Variants in NCKAP5 observed in about 807,000 individuals in gnomAD.
NCKAP5 encodes NCK associated protein 5.
NCKAP5 carries 92 observed loss-of-function variants against 167.0 expected under a neutral mutation model. The observed-to-expected ratio is 0.55, with a 90% CI of 0.47 to 0.66. The LOEUF (loss-of-function observed/expected upper bound fraction) is 0.66. Ranked by LOEUF, NCKAP5 falls within the 30% of genes least tolerant of loss-of-function variation. The pLI, the probability that NCKAP5 is intolerant of heterozygous loss-of-function variation, is 0.00. For missense variants in NCKAP5, 2,378 were observed against 2,315.0 expected (o/e 1.03, Z -0.56); for synonymous variants, 891 against 877.4 (o/e 1.02, Z -0.27).
chr2:133,616,987 T>G, the NCKAP5 span, among the ~76,000 whole-genome samples: 25 of 152,234 alleles, frequency 1.6e-4, no homozygotes, highest in Admixed American at 3.9e-4. Context: ...GGGATGCAAG[T>G]CTGGTTCAAT....
intron 5 of NCKAP5, among the ~76,000 whole-genome samples, chr2:133,170,543 C>G (rs1056078336): frequency 6.6e-6 from 1 of 152,194 alleles, no homozygotes; most frequent in African/African-American, 2.4e-5. Context: ...AGAATCATCT[C>G]TACCTCTGTG....
chr2:132,690,780 G>T (rs1020836102), intron 19 of NCKAP5, among the ~76,000 whole-genome samples: 3 of 152,122 alleles, frequency 2.0e-5, no homozygotes, highest in Non-Finnish European at 2.9e-5. Context: ...TAAGAGGAGG[G>T]GGGGAAACAA....
At chr2:133,160,916 T>C (rs934888256) in intron 5 of NCKAP5, among the ~76,000 whole-genome samples, 2 of 152,178 alleles carry the variant, frequency 1.3e-5, no homozygotes, top group African/African-American at 4.8e-5. Flanking sequence ...ACTGAACTGA[T>C]ATCCTCTGTG....
chr2:132,727,492 C>G (rs1288667763), intron 18 of NCKAP5, among the ~76,000 whole-genome samples: 2 of 152,336 alleles, frequency 1.3e-5, no homozygotes, highest in Admixed American at 1.3e-4. Flanking sequence ...ATGTGTACAC[C>G]TTACTCCGTA....
intron 11 of NCKAP5, among the ~76,000 whole-genome samples, chr2:132,834,635 G>T (rs561312163): frequency 1.3e-5 from 2 of 152,004 alleles, no homozygotes; most frequent in East Asian, 1.9e-4. Flanking sequence ...GTGAGCCACC[G>T]CACCCAGCCA....
intron 6 of NCKAP5, chr2:133,122,191 A>T: frequency 6.6e-6 from 1 of 152,186 alleles, no homozygotes; most frequent in East Asian, 1.9e-4. Flanking sequence ...ACTTATCTAA[A>T]CTATAAACGT....
chr2:132,922,144 T>C (rs1412015983), intron 8 of NCKAP5, among the ~76,000 whole-genome samples: 4 of 152,318 alleles, frequency 2.6e-5, no homozygotes, highest in African/African-American at 9.6e-5. Flanking sequence ...GTAAATACAC[T>C]GCCAGAACCA....
At chr2:133,488,121 T>C (rs1426343601) in intron 3 of NCKAP5, among the ~76,000 whole-genome samples, 3 of 152,236 alleles carry the variant, frequency 2.0e-5, no homozygotes, top group Non-Finnish European at 4.4e-5. Context: ...ATTTTAAATG[T>C]AGTTGTCAAA....
the NCKAP5 span, among the ~76,000 whole-genome samples, chr2:133,622,981 C>T: frequency 6.6e-6 from 1 of 152,106 alleles, no homozygotes; most frequent in Non-Finnish European, 1.5e-5. Flanking sequence ...GACTAGAGAA[C>T]CCAGAAATAA....
chr2:132,707,177 C>T (rs1445071940), intron 19 of NCKAP5, among the ~76,000 whole-genome samples: 9 of 152,210 alleles, frequency 5.9e-5, no homozygotes, highest in South Asian at 2.1e-4. Flanking sequence ...CTGGCAGGTG[C>T]GTTGTGTGGA....
rs572649005 is a variant in NCKAP5 at position 133,205,136 on chromosome 2, A to T, written c.207+8580T>A. 7.8e-4 allele frequency among the ~76,000 whole-genome samples: 118 copies of T among 151,244 alleles called. 1 individual carries two copies. Among genetic ancestry groups the T allele is most frequent in the African/African-American group, 2.2e-3 (92 of 41,184 alleles). On this transcript the variant is annotated intron_variant, in intron 5 of 19. Transcript: ENST00000409261. ...AAACCTTATCTCTACAAAAAAATTT[A>T]AAAAAAAATAGCCAGGCATCGTGGT...
At chr2:133,133,246 A>T (rs1002828531) in intron 5 of NCKAP5, among the ~76,000 whole-genome samples, 1 of 152,192 alleles carries the variant, frequency 6.6e-6, no homozygotes, top group Non-Finnish European at 1.5e-5. Context: ...CTGGGTTACA[A>T]ATCTGACAGG....
At chr2:133,617,402 C>G in the NCKAP5 span, among the ~76,000 whole-genome samples, 4 of 149,200 alleles carry the variant, frequency 2.7e-5, no homozygotes, top group Admixed American at 6.7e-5. Context: ...ATCTAGAAAA[C>G]CCCATTGTCT....
chr2:132,969,819 T>G (rs749397550), intron 7 of NCKAP5, among the ~76,000 whole-genome samples: 8 of 152,234 alleles, frequency 5.3e-5, no homozygotes, highest in Admixed American at 6.5e-5. Context: ...GACTAGTCAC[T>G]GACCTAAAGG....
In NCKAP5 at chr2:133,130,067, A is replaced by G. The variant is rs2082545246; in HGVS notation, c.252T>C (p.Arg84=). 2 of 1,612,092 alleles carry G rather than the reference A, an allele frequency of 1.2e-6. No homozygotes were observed. Among genetic ancestry groups the G allele is most frequent in the Non-Finnish European group, 1.7e-6 (2 of 1,179,240 alleles). Residue 84 remains arginine (R), a synonymous_variant, in exon 6 of 20, where the codon CGT becomes CGC. Coordinates refer to ENST00000409261, the MANE Select transcript of NCKAP5 (RefSeq NM_207363.3). ...IHELEEERHL[R]LQSEKRLQEV... is the part of the protein sequence containing the mutation. Reference sequence around the variant, plus strand: ...CCTGCAACCGCTTCTCGCTTTGAAGACGTAAGTGTCTCTCCTCTTCCAGTT... The same window carrying G: ...CCTGCAACCGCTTCTCGCTTTGAAGGCGTAAGTGTCTCTCCTCTTCCAGTT...
intron 4 of NCKAP5, among the ~76,000 whole-genome samples, chr2:133,236,375 A>T (rs2087423600): frequency 6.6e-6 from 1 of 152,176 alleles, no homozygotes; most frequent in South Asian, 2.1e-4. Context: ...ATGAATAAGG[A>T]GAACTCAGCA....
chr2:133,079,279 A>T (rs1421263937), intron 6 of NCKAP5, among the ~76,000 whole-genome samples: 1 of 152,196 alleles, frequency 6.6e-6, no homozygotes, highest in Admixed American at 6.5e-5. Flanking sequence ...ATAAGACTGG[A>T]TGTGCCATAG....
At chr2:133,169,189 TA>T (rs1559218500) in intron 5 of NCKAP5, among the ~76,000 whole-genome samples, 1 of 152,154 alleles carries the variant, frequency 6.6e-6, no homozygotes, top group East Asian at 1.9e-4. Flanking sequence ...ATCCTGACCT[TA>T]AAATGCCAAA....
intron 3 of NCKAP5, among the ~76,000 whole-genome samples, chr2:133,332,206 C>G (rs1298929139): frequency 6.6e-6 from 1 of 152,144 alleles, no homozygotes; most frequent in African/African-American, 2.4e-5. Context: ...TATAACATTT[C>G]CCCTTGAGTC....
Sources: gnomAD v4.1 joint callset for allele counts (sites outside exome capture counted in the v4.1 genomes callset) on GRCh38, gnomAD v4.1.1 for gene constraint, MANE v1.5 for transcripts, NCBI Gene and HGNC (gene_info 2026-07-23, HGNC 2026-07-21) for gene names.